The following ZNF385B variants were observed in gnomAD, a reference collection of about 807,000 sequenced individuals.
The protein encoded by ZNF385B is zinc finger protein 385B, also known as zinc finger protein 533.
ZNF385B carries 23 observed loss-of-function variants against 39.2 expected under a neutral mutation model. The observed-to-expected ratio is 0.59, with a 90% confidence interval of 0.42 to 0.83. The LOEUF is 0.83. Among genes scored for constraint, ZNF385B ranks in the 40% least tolerant of loss-of-function variants. ZNF385B has a pLI of 0.00. For missense variants in ZNF385B, 552 were observed against 598.9 expected, an observed-to-expected ratio of 0.92 and a Z score of 0.82; for synonymous variants, 205 against 222.6, an observed-to-expected ratio of 0.92 and a Z score of 0.70.
At chr2:179,468,879 CT>C (rs1188132520) in intron 6 of ZNF385B, among the ~76,000 whole-genome samples, 1 of 151,898 alleles carries the variant, frequency 6.6e-6, no homozygotes, top group Non-Finnish European at 1.5e-5. Context: ...TACTTACTGC[CT>C]GCTCAAAGGA....
intron 4 of ZNF385B, among the ~76,000 whole-genome samples, chr2:179,531,599 C>A (rs1042621482): frequency 6.6e-6 from 1 of 152,222 alleles, no homozygotes; most frequent in South Asian, 2.1e-4. Flanking sequence ...CATGCCACTG[C>A]ACTCCAGCCT....
intron 3 of ZNF385B, among the ~76,000 whole-genome samples, chr2:179,716,576 C>T (rs1203687759): frequency 1.3e-5 from 2 of 152,180 alleles, no homozygotes; most frequent in African/African-American, 2.4e-5. Context: ...GATATCTTGT[C>T]CCTTTTATTC....
At chr2:179,793,428 A>T (rs1177264145) in intron 1 of ZNF385B, among the ~76,000 whole-genome samples, 1 of 152,154 alleles carries the variant, frequency 6.6e-6, no homozygotes, top group East Asian at 1.9e-4. Flanking sequence ...CAGGTGGTGA[A>T]GGAGAGACCT....
chr2:179,669,526 A>C (rs1189024403), intron 3 of ZNF385B, among the ~76,000 whole-genome samples: 1 of 152,218 alleles, frequency 6.6e-6, no homozygotes, highest in Non-Finnish European at 1.5e-5. Flanking sequence ...CTGGCTATTT[A>C]GTGGCCTAGC....
At chr2:179,493,794 C>CATATATGTATATGCATATATGTATAA (rs1559338636) in intron 5 of ZNF385B, among the ~76,000 whole-genome samples, 2 of 97,370 alleles carry the variant, frequency 2.1e-5, no homozygotes, top group African/African-American at 3.6e-5. Context: ...CATATGTATA[C>CATATATGTATATGCATATATGTATAA]ATATATGTAT....
At chr2:179,453,158 T>C (rs1336652756) in intron 6 of ZNF385B, among the ~76,000 whole-genome samples, 1 of 152,208 alleles carries the variant, frequency 6.6e-6, no homozygotes, top group Non-Finnish European at 1.5e-5. Flanking sequence ...ATGATATTTA[T>C]TTATATGAAT....
Position 179,634,587 on chromosome 2 carries a change from G to A in ZNF385B, c.299-89618C>T, listed in dbSNP as rs189696244. On this transcript the variant is annotated intron_variant, in intron 3 of 9. Coordinates refer to ENST00000410066, the MANE Select transcript of ZNF385B (RefSeq NM_152520.6). ...GGAGAGGATGTGGAGAAATGGGAACGCTTTTACACTGTTGGTGGGAGTGTA... is the reference window on the plus strand; with the variant it reads ...GGAGAGGATGTGGAGAAATGGGAACACTTTTACACTGTTGGTGGGAGTGTA... 2.5e-4 allele frequency among the ~76,000 whole-genome samples: 38 copies of A among 152,230 alleles called. No homozygotes were observed. The East Asian group carries it at 5.8e-3, about 23-fold the overall frequency.
chr2:179,522,402 G>A (rs1408645329), intron 4 of ZNF385B, among the ~76,000 whole-genome samples: 1 of 152,044 alleles, frequency 6.6e-6, no homozygotes, highest in Non-Finnish European at 1.5e-5. Context: ...TAACTAAATC[G>A]ATGATAATTC....
chr2:179,584,164 G>A lies in ZNF385B; in HGVS notation c.299-39195C>T, dbSNP rs116357779. The A allele has an allele frequency of 5.4e-3, 2,130 of 396,478 alleles. 11 individuals carry two copies. Among genetic ancestry groups the A allele is most frequent in the Non-Finnish European group, 7.9e-3 (1,570 of 198,098 alleles). 24.6% of individuals were successfully genotyped at this position (396,478 alleles called of 1,614,324 possible). ...TTTGAACTGAATAATTCAGTGTTGT[G>A]GGGTGCTATGCACTGTAGAATATTA... On this transcript the variant is annotated intron_variant, in intron 3 of 9. Transcript: ENST00000410066.
chr2:179,529,823 C>T (rs2059145832), intron 4 of ZNF385B, among the ~76,000 whole-genome samples: 1 of 152,012 alleles, frequency 6.6e-6, no homozygotes. Context: ...ACTCTATCAC[C>T]CAAAGATAAA....
intron 3 of ZNF385B, among the ~76,000 whole-genome samples, chr2:179,579,379 T>C (rs1176020509): frequency 6.6e-6 from 1 of 152,022 alleles, no homozygotes; most frequent in Non-Finnish European, 1.5e-5. Flanking sequence ...GAGAACAAAA[T>C]GACCTCAATC....
intron 6 of ZNF385B, among the ~76,000 whole-genome samples, chr2:179,478,400 GA>G (rs1177429196): frequency 1.3e-5 from 2 of 152,160 alleles, no homozygotes; most frequent in African/African-American, 4.8e-5. Context: ...TTGCATGAAT[GA>G]ACAAACAATG....
At chr2:179,850,137 G>C (rs968344720) in intron 1 of ZNF385B, among the ~76,000 whole-genome samples, 28 of 152,086 alleles carry the variant, frequency 1.8e-4, no homozygotes, top group African/African-American at 6.5e-4. Flanking sequence ...GGGGGGGAAA[G>C]GTGAAGTAAT....
At chr2:179,561,521 C>T (rs2061334431) in intron 3 of ZNF385B, among the ~76,000 whole-genome samples, 3 of 151,790 alleles carry the variant, frequency 2.0e-5, no homozygotes, top group Admixed American at 1.3e-4. Flanking sequence ...CACCTGAAAT[C>T]CCACTGGAGA....
At chr2:179,641,238 GTTT>G (rs537844411) in intron 3 of ZNF385B, among the ~76,000 whole-genome samples, 2 of 151,860 alleles carry the variant, frequency 1.3e-5, no homozygotes, top group African/African-American at 4.8e-5. Flanking sequence ...ATATTCCTTT[GTTT>G]TTTTAGCCTG....
intron 3 of ZNF385B, among the ~76,000 whole-genome samples, chr2:179,748,144 G>A (rs1702483392): frequency 6.6e-6 from 1 of 151,972 alleles, no homozygotes; most frequent in African/African-American, 2.4e-5. Flanking sequence ...TAATGGATGG[G>A]CAAAAATATG....
chr2:179,610,713 T>C (rs1689219566), intron 3 of ZNF385B, among the ~76,000 whole-genome samples: 1 of 152,318 alleles, frequency 6.6e-6, no homozygotes, highest in East Asian at 1.9e-4. Context: ...TGTGTGTGTA[T>C]TTGTGTGTCT....
At chr2:179,594,689 C>T (rs754200250) in intron 3 of ZNF385B, among the ~76,000 whole-genome samples, 18 of 152,116 alleles carry the variant, frequency 1.2e-4, no homozygotes, top group Non-Finnish European at 2.6e-4. Context: ...AAAGAGGAGG[C>T]TCAGTGCCAA....
intron 6 of ZNF385B, among the ~76,000 whole-genome samples, chr2:179,476,213 C>G (rs964207858): frequency 2.0e-5 from 3 of 151,960 alleles, no homozygotes; most frequent in Non-Finnish European, 2.9e-5. Context: ...AAGTAATAAC[C>G]TTTGTTGAAA....
Sources: gnomAD v4.1 joint callset for allele counts (sites outside exome capture counted in the v4.1 genomes callset) on GRCh38, gnomAD v4.1.1 for gene constraint, MANE v1.5 for transcripts, NCBI Gene and HGNC (gene_info 2026-07-23, HGNC 2026-07-21) for gene names.